EPAS1: variants seen among roughly 807,000 people sequenced by gnomAD.
EPAS1 encodes the protein endothelial PAS domain protein 1.
A neutral mutation model predicts 87.9 loss-of-function variants in EPAS1; 23 were observed. The ratio of observed to expected loss-of-function variants is 0.26; its 90% CI spans 0.19 to 0.37. The LOEUF is 0.37. Among genes scored for constraint, EPAS1 ranks in the 10% least tolerant of loss-of-function variants. The probability of loss-of-function intolerance (pLI) is 1.00; values close to 1 mark genes in which losing one functional copy is unlikely to be tolerated. For synonymous variants in EPAS1, 508 were observed against 444.3 expected (o/e 1.14, Z -1.80); for missense variants, 1,138 against 1,120.7 (o/e 1.02, Z -0.22).
intron 1 of EPAS1, among the ~76,000 whole-genome samples, chr2:46,344,885 G>A (rs1206542548): frequency 1.3e-5 from 2 of 152,222 alleles, no homozygotes. Context: ...CCACGGAGCT[G>A]GATAGTCTGT....
Position 46,375,602 on chromosome 2 carries a change from T to C in EPAS1, c.887-88T>C. The C allele has an allele frequency of 6.6e-7, 1 of 1,506,366 alleles. No homozygotes were observed. Among genetic ancestry groups the C allele is most frequent in the Non-Finnish European group, 9.1e-7 (1 of 1,104,958 alleles). 93.3% of individuals were successfully genotyped at this position (1,506,366 alleles called of 1,614,324 possible). On this transcript the variant is annotated intron_variant, in intron 7 of 15. Transcript: ENST00000263734. The surrounding 1 kb of genome is among the most constrained non-coding windows in gnomAD (Gnocchi z 4.1). ...CTGTTCTGTCTGTTCCCCTGCAGAT[T>C]AGACTGCCCTCCCATGCGATCTGCT...
At chr2:46,373,111 CAT>C (rs1369477350) in intron 7 of EPAS1, among the ~76,000 whole-genome samples, 1 of 152,200 alleles carries the variant, frequency 6.6e-6, no homozygotes, top group Non-Finnish European at 1.5e-5. Context: ...TGAAGCAAAT[CAT>C]AACCCTCTGG....
chr2:46,311,172 C>T (rs1290996354), intron 1 of EPAS1, among the ~76,000 whole-genome samples: 1 of 152,180 alleles, frequency 6.6e-6, no homozygotes, highest in East Asian at 1.9e-4. Flanking sequence ...CCACTGCACC[C>T]AGCATATTTG....
intron 1 of EPAS1, among the ~76,000 whole-genome samples, chr2:46,322,338 G>T (rs994474607): frequency 3.3e-5 from 5 of 152,182 alleles, no homozygotes; most frequent in African/African-American, 1.2e-4. Flanking sequence ...TCACTGTGTG[G>T]CAGATGACTA....
chr2:46,378,044 G>C lies in EPAS1; in HGVS notation c.1400G>C (p.Ser467Thr). 1.2e-6 allele frequency: 2 copies of C among 1,606,634 alleles called. No individual in the cohort carries two copies. The highest frequency in any genetic ancestry group is 1.7e-6 in the Non-Finnish European group (2 of 1,177,696). The change falls in exon 10 of 16, where the codon AGC becomes ACC. Residue 467 changes from serine (S) to threonine (T), a missense_variant. Physicochemically the swap from Ser to Thr is moderately conservative, Grantham distance 58. Coordinates refer to ENST00000263734, the MANE Select transcript of EPAS1 (RefSeq NM_001430.5). ...FTVPQAAAPG[S>T]TTPSATSSSS... is the part of the protein sequence containing the mutation. ...GTGCCCCAGGCAGCTGCCCCGGGCA[G>C]CACCACCCCCAGTGCCACCAGCAGC...
At chr2:46,301,959 G>GC (rs912726959) in intron 1 of EPAS1, among the ~76,000 whole-genome samples, 6 of 152,222 alleles carry the variant, frequency 3.9e-5, no homozygotes, top group African/African-American at 1.4e-4. Context: ...CAAAACCAAT[G>GC]CAAGGACCGC....
Position 46,346,922 on chromosome 2 carries a change from C to T in EPAS1, c.76C>T (p.Arg26Trp), listed in dbSNP as rs1684040885. Residue 26 changes from arginine (R) to tryptophan (W), a missense_variant, in exon 2 of 16, where the codon CGG (arginine) becomes TGG (tryptophan). By Grantham distance (101) the Arg-to-Trp change is moderately radical. Coordinates refer to ENST00000263734, the MANE Select transcript of EPAS1 (RefSeq NM_001430.5). The surrounding 1 kb of genome is among the most constrained non-coding windows in gnomAD (Gnocchi z 4.0). ...KEKSRDAARC[R>W]RSKETEVFYE... ...GAAGTCCCGGGATGCTGCGCGGTGCCGGCGGAGCAAGGAGACGGAGGTGTT... is the reference window on the plus strand; with the variant it reads ...GAAGTCCCGGGATGCTGCGCGGTGCTGGCGGAGCAAGGAGACGGAGGTGTT... 3.7e-6 allele frequency: 6 copies of T among 1,614,082 alleles called. No homozygotes were observed. Among genetic ancestry groups the T allele is most frequent in the Non-Finnish European group, 5.1e-6 (6 of 1,180,046 alleles).
Position 46,380,461 on chromosome 2 carries a change from A to T in EPAS1, c.1789A>T (p.Thr597Ser). 3.7e-6 allele frequency: 6 copies of T among 1,614,080 alleles called. No individual in the cohort carries two copies. The highest frequency in any genetic ancestry group is 5.1e-6 in the Non-Finnish European group (6 of 1,180,012). ...TCAGCAGCAGCTGGAGAGCAAGAAGACAGAGCCCGAGCACCGGCCCATGTC... is the reference window on the plus strand; with the variant it reads ...TCAGCAGCAGCTGGAGAGCAAGAAGTCAGAGCCCGAGCACCGGCCCATGTC... ...KFQQQLESKK[T>S]EPEHRPMSSI... The change falls in exon 12 of 16, where the codon ACA becomes TCA. Residue 597 changes from threonine to serine, a missense_variant. Transcript: ENST00000263734. This position sits in a 1 kb window ranked among gnomAD's most constrained non-coding sequence, Gnocchi z 4.4.
intron 1 of EPAS1, among the ~76,000 whole-genome samples, chr2:46,320,405 A>G (rs915715191): frequency 2.0e-5 from 3 of 152,238 alleles, no homozygotes; most frequent in Admixed American, 6.5e-5. Flanking sequence ...TACAATGCAC[A>G]TGGAGCAGCT....
rs1055795650 is a variant in EPAS1, at chr2:46,308,462, G to T, written c.26+10525G>T. On this transcript the variant is annotated intron_variant, in intron 1 of 15. Coordinates refer to ENST00000263734, the MANE Select transcript of EPAS1 (RefSeq NM_001430.5). ...CTAATACCTTGCTTGCTTTTTTTTG[G>T]GGGGGGGGGCTCTGAAATCATGCTT... Among the ~76,000 whole-genome samples the T allele has an allele frequency of 2.3e-4, 31 of 137,344 alleles. 3 individuals carry two copies. Among genetic ancestry groups the T allele is most frequent in the Admixed American group, 1.6e-3 (22 of 13,722 alleles). The allele number at this position is 137,344 out of a possible 152,430, so 90.1% of individuals were successfully genotyped here.
intron 1 of EPAS1, among the ~76,000 whole-genome samples, chr2:46,335,521 C>T (rs1362577310): frequency 6.6e-6 from 1 of 151,946 alleles, no homozygotes; most frequent in African/African-American, 2.4e-5. Context: ...TCTCATGACA[C>T]AGTGATTATT....
At position 46,384,287 on chromosome 2, in the gene EPAS1, C is replaced by T. The variant is rs1053819206; in HGVS notation, c.2462-222C>T. On this transcript the variant is annotated intron_variant, in intron 15 of 15. Transcript: ENST00000263734. ...CACATACCTGTGCTGCAGCCCGCACCTCACGCTTTCCTCTTTCTTGGGTCT... is the reference window on the plus strand; with the variant it reads ...CACATACCTGTGCTGCAGCCCGCACTTCACGCTTTCCTCTTTCTTGGGTCT... 2.0e-5 allele frequency among the ~76,000 whole-genome samples: 3 copies of T among 152,162 alleles called. No individual in the cohort carries two copies. In the East Asian group the frequency reaches 5.8e-4, roughly 29 times the overall value.
rs1234952006 is a variant in EPAS1, at chr2:46,385,882, A to G, written c.*1222A>G. Reference sequence around the variant, plus strand: ...TTCCAGAACTACCATGAGATGGTTTAGACGGGAATTCATGCAAATGAGGGG... The same window carrying G: ...TTCCAGAACTACCATGAGATGGTTTGGACGGGAATTCATGCAAATGAGGGG... On this transcript the variant is annotated 3_prime_UTR_variant, in exon 16 of 16. Transcript: ENST00000263734. 6.6e-6 allele frequency: 1 copy of G among 152,222 alleles called. No homozygotes were observed. The highest frequency in any genetic ancestry group is 2.4e-5 in the African/African-American group (1 of 41,438). 9.4% of individuals were successfully genotyped at this position (152,222 alleles called of 1,614,324 possible).
At chr2:46,382,300 T>G in intron 14 of EPAS1, 125 bp from the exon 15 acceptor site, 1 of 1,325,868 alleles carries the variant, frequency 7.5e-7, no homozygotes. Context: ...CAGAGGGTCC[T>G]GAAGGTTGGC....
At chr2:46,370,074 C>G in intron 7 of EPAS1, 141 bp downstream of exon 7, 2 of 737,036 alleles carry the variant, frequency 2.7e-6, no homozygotes, top group Non-Finnish European at 4.8e-6. Context: ...CTTATGCCCT[C>G]AAGATGGTTA....
intron 1 of EPAS1, among the ~76,000 whole-genome samples, chr2:46,328,464 C>T (rs1683608240): frequency 6.6e-6 from 1 of 152,180 alleles, no homozygotes; most frequent in African/African-American, 2.4e-5. Context: ...ACTCCCTGGC[C>T]TCAACCAGTC....
intron 1 of EPAS1, among the ~76,000 whole-genome samples, chr2:46,309,552 A>G (rs1683172249): frequency 6.6e-6 from 1 of 152,236 alleles, no homozygotes. Context: ...AGTGGAGATT[A>G]GAGGGAGGTT....
chr2:46,377,768 G>T, intron 9 of EPAS1, 126 bp from the exon 10 acceptor site: 3 of 1,503,906 alleles, frequency 2.0e-6, no homozygotes, highest in Non-Finnish European at 1.8e-6. Context: ...GGGTGTTGGG[G>T]GGGCCTAGCC....
chr2:46,301,823 T>TGAAAAAA (rs1683006637), intron 1 of EPAS1, among the ~76,000 whole-genome samples: 1 of 80,828 alleles, frequency 1.2e-5, no homozygotes, highest in African/African-American at 3.2e-5. Flanking sequence ...GTTTGCTTTT[T>TGAAAAAA]GAAAAAAAAA....
Sources: gnomAD v4.1 joint callset for allele counts (sites outside exome capture counted in the v4.1 genomes callset) on GRCh38, gnomAD v4.1.1 for gene constraint, Gnocchi (gnomAD v3.1) non-coding constraint, MANE v1.5 for transcripts, NCBI Gene and HGNC (gene_info 2026-07-23, HGNC 2026-07-21) for gene names.